ZNF567: variants seen among roughly 807,000 people sequenced by gnomAD.
ZNF567 encodes zinc finger protein 567.
Under a neutral mutation model 53.9 loss-of-function variants are expected in ZNF567, and 36 were observed. The observed-to-expected ratio is 0.67, with a 90% CI of 0.51 to 0.88. The LOEUF (loss-of-function observed/expected upper bound fraction) is 0.88, where lower values mean the gene tolerates loss of function less well. Among genes scored for constraint, ZNF567 ranks in the 40% least tolerant of loss-of-function variants. The probability of loss-of-function intolerance (pLI) is 0.00; values close to 1 mark genes in which losing one functional copy is unlikely to be tolerated. For missense variants in ZNF567, 619 were observed against 764.7 expected, an observed-to-expected ratio of 0.81 and a Z score of 2.25; for synonymous variants, 224 against 260.4, an observed-to-expected ratio of 0.86 and a Z score of 1.35.
Position 36,719,955 on chromosome 19 carries a change from C to T in ZNF567, c.1231C>T (p.His411Tyr). The T allele has an allele frequency of 6.2e-7, 1 of 1,613,988 alleles. No homozygotes were observed. Among genetic ancestry groups the T allele is most frequent in the South Asian group, 1.1e-5 (1 of 91,076 alleles). ...SFHQKANLTV[H>Y]QRTHTGEKPY... ...TCACCAGAAGGCAAATCTTACTGTACATCAGAGAACTCATACAGGGGAAAA... is the reference window on the plus strand; with the variant it reads ...TCACCAGAAGGCAAATCTTACTGTATATCAGAGAACTCATACAGGGGAAAA... Residue 411 changes from histidine (H) to tyrosine (Y), a missense_variant, in exon 6 of 6, where the codon CAT (histidine) becomes TAT (tyrosine). By Grantham distance (83) the His-to-Tyr change is moderately conservative. Transcript: ENST00000682579.
chr19:36,717,227 T>C (rs2040107375), intron 5 of ZNF567, among the ~76,000 whole-genome samples: 1 of 152,168 alleles, frequency 6.6e-6, no homozygotes, highest in African/African-American at 2.4e-5. Context: ...AAGTGTAAGG[T>C]TGTTAAAAGA....
intron 2 of ZNF567, among the ~76,000 whole-genome samples, chr19:36,690,710 A>G (rs1600492174): frequency 6.6e-6 from 1 of 152,360 alleles, no homozygotes; most frequent in East Asian, 1.9e-4. Flanking sequence ...GAAATGTTCT[A>G]AAATTAGGTT....
At chr19:36,726,982 T>TTTTCTTTTTCTTTCTTTC (rs1555809304), downstream of ZNF567, 4 of 55,390 alleles carry the variant, frequency 7.2e-5, no homozygotes, top group African/African-American at 2.7e-4. Flanking sequence ...CTTTCTTTCT[T>TTTTCTTTTTCTTTCTTTC]TTTCTTTCTT....
intron 3 of ZNF567, among the ~76,000 whole-genome samples, chr19:36,704,613 T>C (rs2039397391): frequency 6.6e-6 from 1 of 152,132 alleles, no homozygotes; most frequent in African/African-American, 2.4e-5. Context: ...ATATTAAATA[T>C]GATGAATTTG....
At chr19:36,682,463 T>C in the ZNF567 span, among the ~76,000 whole-genome samples, 3 of 151,642 alleles carry the variant, frequency 2.0e-5, no homozygotes, top group Non-Finnish European at 4.4e-5. Context: ...CAAACTATTC[T>C]ATTATAGAGG....
downstream of ZNF567, among the ~76,000 whole-genome samples, chr19:36,725,256 A>G (rs1430251819): frequency 2.0e-5 from 3 of 152,060 alleles, 1 homozygote; most frequent in African/African-American, 7.2e-5. Flanking sequence ...AGGCTGGAGT[A>G]CAGTGGTGTG....
the ZNF567 span, among the ~76,000 whole-genome samples, chr19:36,682,115 A>G: frequency 2.6e-5 from 4 of 151,852 alleles, no homozygotes; most frequent in African/African-American, 7.3e-5. Context: ...ATCTCTATAA[A>G]TTTTTTAAAT....
chr19:36,681,493 A>C, the ZNF567 span, among the ~76,000 whole-genome samples: 1 of 152,112 alleles, frequency 6.6e-6, no homozygotes, highest in South Asian at 2.1e-4. Context: ...GCAGTGGTGC[A>C]ATCACGGCTC....
the ZNF567 span, among the ~76,000 whole-genome samples, chr19:36,676,792 G>A: frequency 6.6e-6 from 1 of 151,964 alleles, no homozygotes. Context: ...CCAAGGTTGG[G>A]GGATCGCTTG....
Position 36,721,262 on chromosome 19 carries a change from A to T in ZNF567, c.*594A>T, listed in dbSNP as rs2040292451. The T allele has an allele frequency of 1.3e-5, 2 of 152,154 alleles. No individual in the cohort carries two copies. The highest frequency in any genetic ancestry group is 4.8e-5 in the African/African-American group (2 of 41,438). 9.4% of individuals were successfully genotyped at this position (152,154 alleles called of 1,614,324 possible). On this transcript the variant is annotated 3_prime_UTR_variant, in exon 6 of 6. Coordinates refer to ENST00000682579, the MANE Select transcript of ZNF567 (RefSeq NM_001322917.1). ...CCATTTTAAGAATATATTGCTGTTT[A>T]TCCTATTGATGGATATTTGTATTTT...
intron 3 of ZNF567, among the ~76,000 whole-genome samples, chr19:36,699,003 A>G (rs1470569466): frequency 1.2e-4 from 19 of 152,174 alleles, no homozygotes; most frequent in Middle Eastern, 3.2e-3. Flanking sequence ...GCCCATGCCT[A>G]TGTCCTGAAT....
At chr19:36,683,871 T>A (rs12461264), upstream of ZNF567, among the ~76,000 whole-genome samples, 837 of 152,080 alleles carry the variant, frequency 5.5e-3, 23 homozygotes, top group Admixed American at 0.037. Flanking sequence ...AATAAAAGAC[T>A]AATGATACCA....
In ZNF567 at chr19:36,699,879, T is replaced by C. The variant is rs1245513429; in HGVS notation, c.9+5003T>C. ...CATGTCGTCTGCAAACAGGGACAAT[T>C]TGACTTCCTCTTTTCCTAATTGAAT... On this transcript the variant is annotated intron_variant, in intron 3 of 5. Transcript: ENST00000682579. 2.1e-5 allele frequency among the ~76,000 whole-genome samples: 3 copies of C among 141,472 alleles called. No homozygotes were observed. In the East Asian group the frequency reaches 6.1e-4, roughly 29 times the overall value. The allele number at this position is 141,472 out of a possible 152,430, so 92.8% of individuals were successfully genotyped here. A position where few individuals can be genotyped will look rare whatever the true frequency, so the allele number is the denominator to read the frequency against.
chr19:36,694,767 A>C, intron 2 of ZNF567, 35 bp from the exon 3 acceptor site: 1 of 1,149,672 alleles, frequency 8.7e-7, no homozygotes. Context: ...ATGTGGTCTC[A>C]TGTGGCTTTT....
At position 36,720,630 on chromosome 19, in the gene ZNF567, CAAA is replaced by C. The variant is rs1319037280; in HGVS notation, c.1907_1909del (p.Gln636del). 6.4e-7 allele frequency: 1 copy of C among 1,568,038 alleles called. No homozygotes were observed. Among genetic ancestry groups the C allele is most frequent in the Non-Finnish European group, 8.6e-7 (1 of 1,159,218 alleles). ...TTATAAGAGAAACCTCATTGTCCAT[CAAA>C]GAACTCACAAGGGAGAAAACATTGA... On this transcript the variant is annotated inframe_deletion, in exon 6 of 6. Coordinates refer to ENST00000682579, the MANE Select transcript of ZNF567 (RefSeq NM_001322917.1).
chr19:36,720,886 A>G lies in ZNF567; in HGVS notation c.*218A>G, dbSNP rs996984596. The G allele has an allele frequency of 5.6e-6, 2 of 357,360 alleles. No individual in the cohort carries two copies. Among genetic ancestry groups the G allele is most frequent in the Admixed American group, 4.3e-5 (1 of 23,416 alleles). 22.1% of individuals were successfully genotyped at this position (357,360 alleles called of 1,614,324 possible). ...GCTATGAAGCTAAATTTTAAAGTCA[A>G]CTGCTCTTCCTACTGACTCAAATAG... On this transcript the variant is annotated 3_prime_UTR_variant, in exon 6 of 6. Coordinates refer to ENST00000682579, the MANE Select transcript of ZNF567 (RefSeq NM_001322917.1).
At chr19:36,694,972 A>G (rs574994495) in intron 3 of ZNF567, 96 bp downstream of exon 3, 1 of 1,341,694 alleles carries the variant, frequency 7.5e-7, no homozygotes, top group South Asian at 1.4e-5. Context: ...ACATCCTCCT[A>G]CCTATCTTTC....
intron 5 of ZNF567, among the ~76,000 whole-genome samples, chr19:36,716,180 C>T (rs1441925285): frequency 3.9e-5 from 6 of 152,246 alleles, no homozygotes; most frequent in Non-Finnish European, 5.9e-5. Context: ...AATAAGCCCT[C>T]ATCTGGTCTT....
At chr19:36,725,070 G>A (rs770358800), downstream of ZNF567, among the ~76,000 whole-genome samples, 16 of 152,016 alleles carry the variant, frequency 1.1e-4, no homozygotes, top group Non-Finnish European at 1.9e-4. Context: ...TTCAGCACTT[G>A]AAAAATGTCA....
Sources: allele counts gnomAD v4.1 joint callset (sites outside exome capture counted in the v4.1 genomes callset), GRCh38; gene constraint gnomAD v4.1.1; transcripts MANE v1.5; gene names NCBI Gene and HGNC (gene_info 2026-07-23, HGNC 2026-07-21).